The following SHROOM3 variants were observed in gnomAD, a reference collection of about 807,000 sequenced individuals.
SHROOM3 encodes shroom family member 3.
In SHROOM3, 47 loss-of-function variants were observed where a neutral mutation model predicts 138.6. The ratio of observed to expected loss-of-function variants is 0.34; its 90% confidence interval spans 0.27 to 0.43. The LOEUF is 0.43. Among genes scored for constraint, SHROOM3 ranks in the 20% least tolerant of loss-of-function variants. The pLI is 1.00. For synonymous variants in SHROOM3, 1,062 were observed against 1,063.3 expected, an observed-to-expected ratio of 1.00 and a Z score of 0.02; for missense variants, 2,491 against 2,596.5, an observed-to-expected ratio of 0.96 and a Z score of 0.88.
chr4:76,720,258 T>G (rs989129185), intron 3 of SHROOM3, among the ~76,000 whole-genome samples: 1 of 143,136 alleles, frequency 7.0e-6, no homozygotes, highest in East Asian at 2.2e-4. Flanking sequence ...CCGGGTGCAG[T>G]GGTTCAGGCC....
At chr4:76,500,888 C>T (rs1364860440) in intron 1 of SHROOM3, among the ~76,000 whole-genome samples, 3 of 152,220 alleles carry the variant, frequency 2.0e-5, no homozygotes, top group Middle Eastern at 6.8e-3. Context: ...CTCACTGTAA[C>T]TTCAAACTCC....
Position 76,543,389 on chromosome 4 carries a change from G to C in SHROOM3, c.169-12220G>C, listed in dbSNP as rs149979458. On this transcript the variant is annotated intron_variant, in intron 1 of 10. Transcript: ENST00000296043. ...AGTGTGGAAAGTCCTGGAGGTATAC[G>C]AGCGTGTGGCTTACCCAAAAGCTGC... Among the ~76,000 whole-genome samples the C allele has an allele frequency of 2.8e-3, 432 of 152,242 alleles. 2 individuals carry two copies. The highest frequency in any genetic ancestry group is 0.024 in the Middle Eastern group (7 of 294).
At chr4:76,471,030 G>A (rs1345068538) in intron 1 of SHROOM3, among the ~76,000 whole-genome samples, 2 of 151,950 alleles carry the variant, frequency 1.3e-5, no homozygotes, top group East Asian at 1.9e-4. Context: ...GTGAGGAAAG[G>A]CATGCATAAA....
intron 1 of SHROOM3, among the ~76,000 whole-genome samples, chr4:76,487,170 A>G (rs1320944722): frequency 2.0e-5 from 3 of 152,202 alleles, no homozygotes; most frequent in Non-Finnish European, 4.4e-5. Context: ...TGGACATTTC[A>G]TATAAATAGA....
chr4:76,708,656 G>A (rs946965883), intron 2 of SHROOM3, among the ~76,000 whole-genome samples: 12 of 152,108 alleles, frequency 7.9e-5, no homozygotes, highest in Non-Finnish European at 1.5e-4. Context: ...TCTAGTCACC[G>A]ATTGTTCCTA....
At chr4:76,505,941 C>T (rs552305545) in intron 1 of SHROOM3, among the ~76,000 whole-genome samples, 17 of 152,112 alleles carry the variant, frequency 1.1e-4, no homozygotes, top group Non-Finnish European at 1.8e-4. Context: ...TGTGAGCCAC[C>T]ATGCTCAGCC....
At chr4:76,689,846 C>G in intron 2 of SHROOM3, 1 of 765,786 alleles carries the variant, frequency 1.3e-6, no homozygotes, top group Non-Finnish European at 1.6e-6. Flanking sequence ...GGCCAGCACC[C>G]CGGCTGATGG....
At chr4:76,533,933 C>G (rs1050938059) in intron 1 of SHROOM3, among the ~76,000 whole-genome samples, 7 of 152,194 alleles carry the variant, frequency 4.6e-5, no homozygotes, top group African/African-American at 1.7e-4. Context: ...TTTCCAATAA[C>G]TGCTTTGCAA....
intron 9 of SHROOM3, among the ~76,000 whole-genome samples, chr4:76,765,352 A>C (rs561585576): frequency 1.7e-5 from 2 of 114,322 alleles, no homozygotes; most frequent in Admixed American, 1.6e-4. Context: ...CCATCTCTAC[A>C]AAAAAAAAAA....
At chr4:76,466,874 A>G (rs890279532) in intron 1 of SHROOM3, among the ~76,000 whole-genome samples, 1 of 152,174 alleles carries the variant, frequency 6.6e-6, no homozygotes, top group African/African-American at 2.4e-5. Context: ...TGAAGATGCA[A>G]TGAAAATATA....
At chr4:76,545,776 G>T (rs1037100361) in intron 1 of SHROOM3, among the ~76,000 whole-genome samples, 1 of 152,204 alleles carries the variant, frequency 6.6e-6, no homozygotes, top group African/African-American at 2.4e-5. Flanking sequence ...TATGTGGTTA[G>T]TCTTATTGTT....
At chr4:76,716,100 C>A (rs1472359221) in intron 3 of SHROOM3, 1 of 262,682 alleles carries the variant, frequency 3.8e-6, no homozygotes, top group African/African-American at 2.2e-5. Context: ...TTCAAGATGC[C>A]AGCTCTTCTC....
At position 76,689,790 on chromosome 4, in the gene SHROOM3, GACTCTGGAAAGC is replaced by G. The variant is rs1225419092; in HGVS notation, c.324-20365_324-20354del. 5.1e-6 allele frequency: 5 copies of G among 975,590 alleles called. No individual in the cohort carries two copies. In the East Asian group the frequency reaches 4.6e-4, roughly 89 times the overall value. 60.4% of individuals were successfully genotyped at this position (975,590 alleles called of 1,614,324 possible). Reference sequence around the variant, plus strand: ...GCGCGTCTATTTCGGGCTCTGCGGCGACTCTGGAAAGCCCTGTCTGGAGGATGGCTCCCAGGG... The same window carrying G: ...GCGCGTCTATTTCGGGCTCTGCGGCGCCTGTCTGGAGGATGGCTCCCAGGG... On this transcript the variant is annotated intron_variant, in intron 2 of 10. Coordinates refer to ENST00000296043, the MANE Select transcript of SHROOM3 (RefSeq NM_020859.4).
At chr4:76,732,828 G>A (rs1305910966) in intron 4 of SHROOM3, among the ~76,000 whole-genome samples, 3 of 152,108 alleles carry the variant, frequency 2.0e-5, no homozygotes, top group African/African-American at 4.8e-5. Flanking sequence ...TTTGATCTTG[G>A]CTTCCTTTTC....
rs1733342948 is a variant in SHROOM3, at chr4:76,551,059, G to A, written c.169-4550G>A. ...CTCCCTCTGTTGCCCAGACTGGAAT[G>A]AAATGGTGCAATCTTGGCTCACTGC... On this transcript the variant is annotated intron_variant, in intron 1 of 10. Coordinates refer to ENST00000296043, the MANE Select transcript of SHROOM3 (RefSeq NM_020859.4). Among the ~76,000 whole-genome samples the A allele has an allele frequency of 3.3e-5, 5 of 150,428 alleles. No individual in the cohort carries two copies. In the South Asian group the frequency reaches 1.1e-3, roughly 33 times the overall value.
At chr4:76,703,895 C>T (rs1719972520) in intron 2 of SHROOM3, among the ~76,000 whole-genome samples, 1 of 152,156 alleles carries the variant, frequency 6.6e-6, no homozygotes, top group Non-Finnish European at 1.5e-5. Flanking sequence ...CTGATTGCCT[C>T]CAAACATAAG....
intron 9 of SHROOM3, among the ~76,000 whole-genome samples, chr4:76,760,781 T>G (rs531517148): frequency 6.6e-6 from 1 of 152,352 alleles, no homozygotes; most frequent in African/African-American, 2.4e-5. Flanking sequence ...ACCCCAGCAC[T>G]GCTGAGCACT....
intron 2 of SHROOM3, among the ~76,000 whole-genome samples, chr4:76,586,697 AG>A (rs1167940944): frequency 6.6e-6 from 1 of 152,198 alleles, no homozygotes; most frequent in African/African-American, 2.4e-5. Context: ...AAATGACTCT[AG>A]TCCTCTCAGG....
chr4:76,708,660 G>T (rs1560597702), intron 2 of SHROOM3, among the ~76,000 whole-genome samples: 1 of 152,162 alleles, frequency 6.6e-6, no homozygotes, highest in Non-Finnish European at 1.5e-5. Context: ...GTCACCGATT[G>T]TTCCTATGCG....
Sources: allele counts gnomAD v4.1 joint callset (sites outside exome capture counted in the v4.1 genomes callset), GRCh38; gene constraint gnomAD v4.1.1; transcripts MANE v1.5; gene names NCBI Gene and HGNC (gene_info 2026-07-23, HGNC 2026-07-21).